Variants in EYS observed in about 807,000 individuals in gnomAD.
EYS encodes EGF-like photoreceptor maintenance factor, also known as protein eyes shut homolog.
A neutral mutation model predicts 282.1 loss-of-function variants in EYS; 250 were observed. That is an observed-to-expected ratio of 0.89 (90% confidence interval 0.80 to 0.98). EYS has a LOEUF of 0.98. Ranked by LOEUF, EYS falls within the 50% of genes least tolerant of loss-of-function variation. The pLI is 0.00. For missense variants in EYS, 4,016 were observed against 3,709.0 expected, an observed-to-expected ratio of 1.08 and a Z score of -2.15; for synonymous variants, 1,355 against 1,282.9, an observed-to-expected ratio of 1.06 and a Z score of -1.20.
At chr6:64,013,322 T>C (rs1280300337) in intron 33 of EYS, among the ~76,000 whole-genome samples, 1 of 152,238 alleles carries the variant, frequency 6.6e-6, no homozygotes, top group Non-Finnish European at 1.5e-5. Context: ...CATGGTCTCC[T>C]GGTAGCGCCT....
At chr6:63,939,304 A>C (rs144724017) in intron 35 of EYS, among the ~76,000 whole-genome samples, 2 of 152,182 alleles carry the variant, frequency 1.3e-5, no homozygotes, top group East Asian at 1.9e-4. Context: ...TTTCATAGGC[A>C]TGATAAAGAC....
At chr6:64,260,923 T>TTA (rs1767564541) in intron 30 of EYS, among the ~76,000 whole-genome samples, 3 of 152,028 alleles carry the variant, frequency 2.0e-5, no homozygotes, top group Non-Finnish European at 4.4e-5. Flanking sequence ...GTATATATAT[T>TTA]TATGGGGTAC....
At chr6:65,453,608 T>C (rs532502529) in intron 5 of EYS, among the ~76,000 whole-genome samples, 3 of 152,010 alleles carry the variant, frequency 2.0e-5, no homozygotes, top group Non-Finnish European at 4.4e-5. Flanking sequence ...TACTGTGAAA[T>C]AGAACACCAA....
intron 26 of EYS, among the ~76,000 whole-genome samples, chr6:64,543,956 G>T (rs1764766515): frequency 6.6e-6 from 1 of 152,148 alleles, no homozygotes; most frequent in South Asian, 2.1e-4. Context: ...TCCTTGATAA[G>T]CACATAATCA....
rs528202484 is a variant in EYS, at chr6:64,244,417, T to TG, written c.6192-13594dup. Among the ~76,000 whole-genome samples the TG allele has an allele frequency of 9.4e-4, 143 of 152,324 alleles. 2 individuals are homozygous for TG. The highest frequency in any genetic ancestry group is 3.2e-3 in the African/African-American group (134 of 41,588). On this transcript the variant is annotated intron_variant, in intron 30 of 42. Transcript: ENST00000503581. ...CTGTAGGAAACTTGTATTTCCTCTC[T>TG]GGATGCTTTTAAGAAGTTCCCTTTG...
chr6:64,862,786 T>C (rs1766722842), intron 19 of EYS, among the ~76,000 whole-genome samples: 2 of 152,154 alleles, frequency 1.3e-5, no homozygotes, highest in African/African-American at 4.8e-5. Flanking sequence ...AATATATTAT[T>C]CAATTTTCTG....
chr6:64,676,316 C>CTATCTATA (rs1554192066), intron 22 of EYS, among the ~76,000 whole-genome samples: 2 of 119,054 alleles, frequency 1.7e-5, no homozygotes, highest in South Asian at 2.9e-4. Context: ...TCCAATATAT[C>CTATCTATA]TATATATATA....
intron 30 of EYS, among the ~76,000 whole-genome samples, chr6:64,231,612 A>C (rs1267741622): frequency 6.6e-6 from 1 of 152,122 alleles, no homozygotes; most frequent in Non-Finnish European, 1.5e-5. Context: ...TGCTAAGCCC[A>C]CGCCTGCATT....
intron 35 of EYS, among the ~76,000 whole-genome samples, chr6:63,886,384 T>C (rs902752800): frequency 1.3e-5 from 2 of 152,198 alleles, no homozygotes; most frequent in African/African-American, 4.8e-5. Flanking sequence ...AAGTTATAAT[T>C]GGAAGTCCCA....
At chr6:64,569,747 A>C (rs1413656760) in intron 26 of EYS, among the ~76,000 whole-genome samples, 2 of 152,138 alleles carry the variant, frequency 1.3e-5, no homozygotes, top group African/African-American at 4.8e-5. Flanking sequence ...TTTCAAAAAA[A>C]AAAGAATGAA....
intron 22 of EYS, among the ~76,000 whole-genome samples, chr6:64,667,222 T>TA (rs912290563): frequency 1.3e-5 from 2 of 149,788 alleles, no homozygotes; most frequent in African/African-American, 2.4e-5. Context: ...TATTTCCTCT[T>TA]AAAATGATTA....
At chr6:64,101,001 T>G (rs1001942656) in intron 31 of EYS, among the ~76,000 whole-genome samples, 3 of 152,172 alleles carry the variant, frequency 2.0e-5, no homozygotes, top group Non-Finnish European at 4.4e-5. Flanking sequence ...TTGTGTCTCA[T>G]GCTGGCCTTG....
At chr6:64,567,282 T>C (rs1458296084) in intron 26 of EYS, among the ~76,000 whole-genome samples, 1 of 152,134 alleles carries the variant, frequency 6.6e-6, no homozygotes, top group Admixed American at 6.6e-5. Context: ...AGTCAACACA[T>C]GATTCAATAA....
chr6:64,929,697 G>A (rs944623936), intron 15 of EYS, among the ~76,000 whole-genome samples: 2 of 152,106 alleles, frequency 1.3e-5, no homozygotes, highest in East Asian at 1.9e-4. Context: ...CTTTTCCAGT[G>A]AGAAAATAAT....
intron 28 of EYS, among the ~76,000 whole-genome samples, chr6:64,394,299 A>G (rs1212493173): frequency 4.6e-5 from 7 of 152,138 alleles, no homozygotes; most frequent in African/African-American, 1.4e-4. Context: ...TTCATATGGA[A>G]CCAAAAAAGA....
chr6:63,806,618 G>A (rs571984716), intron 36 of EYS, among the ~76,000 whole-genome samples: 5 of 152,136 alleles, frequency 3.3e-5, no homozygotes, highest in Admixed American at 2.6e-4. Context: ...TCTACATAAT[G>A]GATAATTTAC....
intron 14 of EYS, among the ~76,000 whole-genome samples, chr6:64,957,776 C>T (rs1412514636): frequency 6.6e-6 from 1 of 151,716 alleles, no homozygotes; most frequent in African/African-American, 2.4e-5. Context: ...CCTCCTTCAT[C>T]AAAAAAAATT....
At chr6:65,265,474 G>GT (rs1315492818) in intron 12 of EYS, among the ~76,000 whole-genome samples, 11 of 151,908 alleles carry the variant, frequency 7.2e-5, no homozygotes, top group Non-Finnish European at 1.3e-4. Context: ...GTAGATGTTT[G>GT]CTGACTGGAC....
intron 34 of EYS, among the ~76,000 whole-genome samples, chr6:63,989,086 A>G (rs554942046): frequency 1.3e-4 from 20 of 151,536 alleles, no homozygotes; most frequent in Non-Finnish European, 2.1e-4. Flanking sequence ...CTGCGTCTGA[A>G]GTTAAATGAC....
Sources: allele counts gnomAD v4.1 joint callset (sites outside exome capture counted in the v4.1 genomes callset), GRCh38; gene constraint gnomAD v4.1.1; transcripts MANE v1.5; gene names NCBI Gene and HGNC (gene_info 2026-07-23, HGNC 2026-07-21).